Variants in CAST observed in about 807,000 individuals in gnomAD.
CAST encodes the protein MIR583 host.
In CAST, 76 loss-of-function variants were observed where a neutral mutation model predicts 119.6. The ratio of observed to expected loss-of-function variants is 0.64; its 90% CI spans 0.53 to 0.77. CAST has a LOEUF of 0.77. Ranked by LOEUF, CAST falls within the 30% of genes least tolerant of loss-of-function variation. CAST has a pLI of 0.00. For synonymous variants in CAST, 319 were observed against 331.6 expected, an observed-to-expected ratio of 0.96 and a Z score of 0.41; for missense variants, 953 against 946.5, an observed-to-expected ratio of 1.01 and a Z score of -0.09.
At chr5:96,639,103 A>G (rs1747920150) in intron 1 of CAST, among the ~76,000 whole-genome samples, 2 of 152,214 alleles carry the variant, frequency 1.3e-5, no homozygotes, top group Admixed American at 1.3e-4. Context: ...CCAACATTGT[A>G]TATAACTCCT....
the CAST span, among the ~76,000 whole-genome samples, chr5:95,966,592 T>G: frequency 6.6e-6 from 1 of 152,134 alleles, no homozygotes; most frequent in Non-Finnish European, 1.5e-5. Context: ...AAATTGTGAT[T>G]TGGAAGTAAG....
chr5:96,536,307 C>T (rs192942323), intron 1 of CAST, among the ~76,000 whole-genome samples: 87 of 152,044 alleles, frequency 5.7e-4, no homozygotes, highest in Admixed American at 1.0e-3. Context: ...TACGGTGAGC[C>T]GAGATCGTGC....
intron 1 of CAST, among the ~76,000 whole-genome samples, chr5:96,616,718 A>AGC (rs1271144269): frequency 6.9e-6 from 1 of 144,328 alleles, no homozygotes; most frequent in East Asian, 2.2e-4. Context: ...TTAGACACCA[A>AGC]GCGCTCGCTC....
At chr5:95,964,911 C>T in the CAST span, 4 of 152,236 alleles carry the variant, frequency 2.6e-5, no homozygotes, top group Non-Finnish European at 5.9e-5. Context: ...AGGGCCTGCT[C>T]CATCTCTCAT....
At chr5:96,440,015 A>G in the CAST span, among the ~76,000 whole-genome samples, 1 of 152,138 alleles carries the variant, frequency 6.6e-6, no homozygotes, top group African/African-American at 2.4e-5. Flanking sequence ...TAAAAGTTCT[A>G]AGTAAGCTTC....
chr5:96,261,735 C>CA, the CAST span, among the ~76,000 whole-genome samples: 7 of 149,220 alleles, frequency 4.7e-5, no homozygotes, highest in South Asian at 4.2e-4. Flanking sequence ...GCTAGTGGAA[C>CA]AAAAAAAAAG....
chr5:96,765,469 A>G lies in CAST; in HGVS notation c.2037+144A>G. Reference sequence around the variant, plus strand: ...AAATTATAATGAAATAGAAAAATCAATCTGTACTCCACTGGAGGGGAAGGT... The same window carrying G: ...AAATTATAATGAAATAGAAAAATCAGTCTGTACTCCACTGGAGGGGAAGGT... On this transcript the variant is annotated intron_variant, in intron 26 of 31. Transcript: ENST00000675179. 5.1e-6 allele frequency: 3 copies of G among 588,040 alleles called. No individual in the cohort carries two copies. In the South Asian group the frequency reaches 6.7e-5, roughly 13 times the overall value. The allele number at this position is 588,040 out of a possible 1,614,324, so 36.4% of individuals were successfully genotyped here.
chr5:96,038,973 T>A, the CAST span, among the ~76,000 whole-genome samples: 1 of 152,288 alleles, frequency 6.6e-6, no homozygotes, highest in African/African-American at 2.4e-5. Flanking sequence ...GTTGAACTAA[T>A]TTACATCCCC....
chr5:96,478,367 C>T, the CAST span, among the ~76,000 whole-genome samples: 1 of 152,352 alleles, frequency 6.6e-6, no homozygotes, highest in Admixed American at 6.5e-5. Flanking sequence ...AGTCCACCGA[C>T]ATTGTATGAT....
the CAST span, among the ~76,000 whole-genome samples, chr5:96,419,414 C>CCTCT: frequency 1.4e-4 from 18 of 129,108 alleles, no homozygotes; most frequent in African/African-American, 2.8e-4. Context: ...TCACTTAATA[C>CCTCT]CTCTCTCTCT....
the CAST span, among the ~76,000 whole-genome samples, chr5:95,970,597 A>T: frequency 6.6e-6 from 1 of 152,234 alleles, no homozygotes; most frequent in Non-Finnish European, 1.5e-5. Context: ...GGAAAGGAAT[A>T]CATTTATCTC....
chr5:96,380,614 A>T, the CAST span, among the ~76,000 whole-genome samples: 1 of 152,226 alleles, frequency 6.6e-6, no homozygotes, highest in African/African-American at 2.4e-5. Context: ...AAGGAAAACA[A>T]CTGATAGTCT....
chr5:96,132,462 G>A, the CAST span, among the ~76,000 whole-genome samples: 1 of 151,994 alleles, frequency 6.6e-6, no homozygotes, highest in African/African-American at 2.4e-5. Context: ...ATAAATTACT[G>A]ATAACTATAG....
At chr5:96,209,344 T>A in the CAST span, among the ~76,000 whole-genome samples, 1 of 152,066 alleles carries the variant, frequency 6.6e-6, no homozygotes. Context: ...TATGTGCAGA[T>A]TTGATCCTGT....
chr5:95,961,759 G>A, the CAST span: 13 of 1,561,192 alleles, frequency 8.3e-6, no homozygotes, highest in East Asian at 3.1e-4. Flanking sequence ...CCGCCGCTCC[G>A]GCTCTAGCCT....
chr5:95,998,358 C>A, the CAST span, among the ~76,000 whole-genome samples: 2 of 151,910 alleles, frequency 1.3e-5, no homozygotes, highest in Admixed American at 1.3e-4. Context: ...TACCCATCAC[C>A]TGAATAGTGA....
the CAST span, among the ~76,000 whole-genome samples, chr5:96,295,412 C>T: frequency 1.3e-5 from 2 of 152,200 alleles, no homozygotes; most frequent in Admixed American, 6.5e-5. Context: ...CTGGGCATGA[C>T]ACACTTCTTT....
intron 3 of CAST, among the ~76,000 whole-genome samples, chr5:96,701,198 G>A (rs528527952): frequency 8.5e-5 from 13 of 152,240 alleles, no homozygotes; most frequent in African/African-American, 2.6e-4. Flanking sequence ...AAAGTGGTGG[G>A]ATTACAGGCA....
the CAST span, among the ~76,000 whole-genome samples, chr5:96,233,493 CACAGA>C: frequency 6.6e-6 from 1 of 152,020 alleles, no homozygotes; most frequent in Non-Finnish European, 1.5e-5. Flanking sequence ...AAAATTGATT[CACAGA>C]ACAGAACATT....
Sources: gnomAD v4.1 joint callset for allele counts (sites outside exome capture counted in the v4.1 genomes callset) on GRCh38, gnomAD v4.1.1 for gene constraint, MANE v1.5 for transcripts, NCBI Gene and HGNC (gene_info 2026-07-23, HGNC 2026-07-21) for gene names.